Variants in COL23A1 observed in about 807,000 individuals in gnomAD.
The protein encoded by COL23A1 is collagen type XXIII alpha 1 chain.
A neutral mutation model predicts 99.3 loss-of-function variants in COL23A1; 97 were observed. The ratio of observed to expected loss-of-function variants is 0.98; its 90% CI spans 0.83 to 1.16. The LOEUF is 1.16. COL23A1 is among the 50% of genes most tolerant of loss of function. The pLI, the probability that COL23A1 is intolerant of heterozygous loss-of-function variation, is 0.00. For synonymous variants in COL23A1, 320 were observed against 308.2 expected, an observed-to-expected ratio of 1.04 and a Z score of -0.40; for missense variants, 762 against 757.4, an observed-to-expected ratio of 1.01 and a Z score of -0.07.
At position 178,256,851 on chromosome 5, in the gene COL23A1, G is replaced by A. The variant is rs779524307; in HGVS notation, c.837+15C>T. 11 of 1,611,066 alleles carry A rather than the reference G, an allele frequency of 6.8e-6. 1 individual carries two copies. The South Asian group carries it at 1.1e-4, about 16-fold the overall frequency. On this transcript the variant is annotated intron_variant, in intron 14 of 28. Transcript: ENST00000390654. ...CGGGGCCCGCAGGCGCCAGAGCAGAGAGCTCTCATGTCACCTTCGGTCCTG... is the reference window on the plus strand; with the variant it reads ...CGGGGCCCGCAGGCGCCAGAGCAGAAAGCTCTCATGTCACCTTCGGTCCTG...
chr5:178,308,612 C>T lies in COL23A1; in HGVS notation c.362-1693G>A, dbSNP rs796894948. On this transcript the variant is annotated intron_variant, in intron 2 of 28. Transcript: ENST00000390654. This position sits in a 1 kb window ranked among gnomAD's most constrained non-coding sequence, Gnocchi z 5.1. Reference sequence around the variant, plus strand: ...GGCCCATGCTCCTGGCCGAGGCCTGCGACACCCACACTGTCCGGCCAATTA... The same window carrying T: ...GGCCCATGCTCCTGGCCGAGGCCTGTGACACCCACACTGTCCGGCCAATTA... Among the ~76,000 whole-genome samples the T allele has an allele frequency of 1.2e-4, 18 of 152,286 alleles. No individual in the cohort carries two copies. The highest frequency in any genetic ancestry group is 8.3e-4 in the South Asian group (4 of 4,828).
intron 2 of COL23A1, among the ~76,000 whole-genome samples, chr5:178,339,274 G>A (rs1005363656): frequency 1.3e-5 from 2 of 152,128 alleles, no homozygotes; most frequent in Admixed American, 6.5e-5. Context: ...GCAAAGCCAC[G>A]ACCACAGTTT....
chr5:178,280,761 C>T lies in COL23A1; in HGVS notation c.441+7563G>A, dbSNP rs998770456. ...CAGGACCAACCCCCTCTGCTGGGCC[C>T]CCTACACTGCTGTCCCTGCTAAGTC... On this transcript the variant is annotated intron_variant, in intron 5 of 28. Transcript: ENST00000390654. The surrounding 1 kb of genome is among the most constrained non-coding windows in gnomAD (Gnocchi z 4.9). Among the ~76,000 whole-genome samples the T allele has an allele frequency of 6.6e-6, 1 of 152,242 alleles. No homozygotes were observed. The highest frequency in any genetic ancestry group is 2.4e-5 in the African/African-American group (1 of 41,530).
In COL23A1 at chr5:178,255,175, G is replaced by A. The variant is rs1267475386; in HGVS notation, c.883-149C>T. ...ACGCATGCCCCTCCCCAGGGTGGAT[G>A]GAGGGAACGGGAGGCAGGCCCTGTG... On this transcript the variant is annotated intron_variant, in intron 15 of 28. Transcript: ENST00000390654. This position sits in a 1 kb window ranked among gnomAD's most constrained non-coding sequence, Gnocchi z 4.2. 7 of 649,670 alleles carry A rather than the reference G, an allele frequency of 1.1e-5. No homozygotes were observed. The highest frequency in any genetic ancestry group is 1.8e-5 in the African/African-American group (1 of 54,810). The allele number at this position is 649,670 out of a possible 1,614,324, so 40.2% of individuals were successfully genotyped here. A position where few individuals can be genotyped will look rare whatever the true frequency, so the allele number is the denominator to read the frequency against.
At chr5:178,565,760 C>T (rs369127408) in intron 1 of COL23A1, among the ~76,000 whole-genome samples, 2 of 151,988 alleles carry the variant, frequency 1.3e-5, no homozygotes, top group East Asian at 3.9e-4. Context: ...TAGCAACTGA[C>T]ATGGATCATA....
At position 178,576,260 on chromosome 5, in the gene COL23A1, G is replaced by A. The variant is rs369136956; in HGVS notation, c.294+13644C>T. On this transcript the variant is annotated intron_variant, in intron 1 of 28. Transcript: ENST00000390654. ...CATTCATTATCCTTTTTTTTTAGACGGAGTCTCACTCTTGTCGCCCCAGGC... is the reference window on the plus strand; with the variant it reads ...CATTCATTATCCTTTTTTTTTAGACAGAGTCTCACTCTTGTCGCCCCAGGC... Among the ~76,000 whole-genome samples, 59 of 151,916 alleles carry A rather than the reference G, an allele frequency of 3.9e-4. 2 individuals are homozygous for A. The South Asian group carries it at 0.012, about 30-fold the overall frequency.
At chr5:178,421,578 A>G (rs1765635227) in intron 2 of COL23A1, among the ~76,000 whole-genome samples, 1 of 152,196 alleles carries the variant, frequency 6.6e-6, no homozygotes. Context: ...CCATTAACAG[A>G]GCAGACAGGG....
intron 2 of COL23A1, among the ~76,000 whole-genome samples, chr5:178,437,609 T>C (rs995252214): frequency 6.6e-6 from 1 of 152,160 alleles, no homozygotes; most frequent in African/African-American, 2.4e-5. Context: ...CCTCTGAGCA[T>C]ATGGCCCTGG....
chr5:178,248,590 G>A (rs1469952186), intron 19 of COL23A1, among the ~76,000 whole-genome samples: 4 of 152,132 alleles, frequency 2.6e-5, no homozygotes, highest in South Asian at 2.1e-4. Context: ...CAGTGGTGGC[G>A]TAACAGCTGG....
At chr5:178,420,918 C>T (rs893644981) in intron 2 of COL23A1, among the ~76,000 whole-genome samples, 2 of 151,708 alleles carry the variant, frequency 1.3e-5, no homozygotes, top group South Asian at 4.2e-4. Flanking sequence ...CCAAGGAAAA[C>T]CCTCATGGAA....
At chr5:178,286,820 GA>G (rs1757179911) in intron 5 of COL23A1, among the ~76,000 whole-genome samples, 1 of 152,188 alleles carries the variant, frequency 6.6e-6, no homozygotes, top group Non-Finnish European at 1.5e-5. Flanking sequence ...TCCGATGCTC[GA>G]GGCTGGTGGG....
intron 5 of COL23A1, among the ~76,000 whole-genome samples, chr5:178,271,944 T>C (rs1437044196): frequency 6.6e-6 from 1 of 152,188 alleles, no homozygotes; most frequent in Non-Finnish European, 1.5e-5. Flanking sequence ...ACCGGTGGCC[T>C]TCACGCAGCC....
At chr5:178,425,298 T>C (rs1166069534) in intron 2 of COL23A1, among the ~76,000 whole-genome samples, 1 of 151,928 alleles carries the variant, frequency 6.6e-6, no homozygotes, top group Non-Finnish European at 1.5e-5. Context: ...AACTTATGAC[T>C]GTACTCCCAG....
In COL23A1 at chr5:178,530,562, T is replaced by G. The variant is rs192630055; in HGVS notation, c.361+30120A>C. Among the ~76,000 whole-genome samples, 12 of 152,336 alleles carry G rather than the reference T, an allele frequency of 7.9e-5. No homozygotes were observed. In the East Asian group the frequency reaches 2.3e-3, roughly 29 times the overall value. On this transcript the variant is annotated intron_variant, in intron 2 of 28. Transcript: ENST00000390654. ...AAGTGACACAGTGATACTGCATGGCTTCCCGGGCCACTTAGGAAAGGCGAT... is the reference window on the plus strand; with the variant it reads ...AAGTGACACAGTGATACTGCATGGCGTCCCGGGCCACTTAGGAAAGGCGAT...
intron 2 of COL23A1, among the ~76,000 whole-genome samples, chr5:178,445,343 T>C (rs1767098894): frequency 6.6e-6 from 1 of 152,232 alleles, no homozygotes; most frequent in Non-Finnish European, 1.5e-5. Flanking sequence ...TGGTAACATC[T>C]GTTTTCACTA....
At chr5:178,502,437 A>T (rs1487356139) in intron 2 of COL23A1, among the ~76,000 whole-genome samples, 1 of 152,172 alleles carries the variant, frequency 6.6e-6, no homozygotes, top group Admixed American at 6.5e-5. Flanking sequence ...AGCCAACAAG[A>T]GTTGGTATTC....
intron 2 of COL23A1, among the ~76,000 whole-genome samples, chr5:178,555,366 G>C (rs115310670): frequency 0.025 from 3,749 of 152,256 alleles, 82 homozygotes; most frequent in Middle Eastern, 0.15. Context: ...TTTCGGGAAA[G>C]AACAGTGCTG....
chr5:178,314,938 G>T lies in COL23A1; in HGVS notation c.362-8019C>A, dbSNP rs184738911. ...CTTATTAAAGGAGAGAGGTTAAATA[G>T]TCCACGGTTTTCATAACCTCTTCTT... On this transcript the variant is annotated intron_variant, in intron 2 of 28. Transcript: ENST00000390654. Among the ~76,000 whole-genome samples the T allele has an allele frequency of 1.0e-3, 153 of 152,276 alleles. 2 individuals are homozygous for T. In the South Asian group the frequency reaches 0.022, roughly 21 times the overall value.
chr5:178,473,435 C>G lies in COL23A1; in HGVS notation c.361+87247G>C, dbSNP rs549627583. ...TCAGCCTCCAGAGTAGCTGGGACTA[C>G]AGGCATGAGCCACTACATCCGGCTA... On this transcript the variant is annotated intron_variant, in intron 2 of 28. Transcript: ENST00000390654. Among the ~76,000 whole-genome samples, 102 of 149,808 alleles carry G rather than the reference C, an allele frequency of 6.8e-4. 2 individuals are homozygous for G. In the South Asian group the frequency reaches 0.021, roughly 31 times the overall value.
Sources: allele counts gnomAD v4.1 joint callset (sites outside exome capture counted in the v4.1 genomes callset), GRCh38; gene constraint gnomAD v4.1.1; non-coding constraint Gnocchi (gnomAD v3.1); transcripts MANE v1.5; gene names NCBI Gene and HGNC (gene_info 2026-07-23, HGNC 2026-07-21).